ARAP2: variants seen among roughly 807,000 people sequenced by gnomAD.
The protein encoded by ARAP2 is arf-GAP with Rho-GAP domain, ANK repeat and PH domain-containing protein 2.
Under a neutral mutation model 194.5 loss-of-function variants are expected in ARAP2, and 148 were observed. The observed-to-expected ratio is 0.76, with a 90% CI of 0.67 to 0.87. The LOEUF (loss-of-function observed/expected upper bound fraction) is 0.87, where lower values mean the gene tolerates loss of function less well. ARAP2 is among the 40% of genes least tolerant of loss of function. The probability of loss-of-function intolerance (pLI) is 0.00; values close to 1 mark genes in which losing one functional copy is unlikely to be tolerated. For synonymous variants in ARAP2, 695 were observed against 683.5 expected, an observed-to-expected ratio of 1.02 and a Z score of -0.26; for missense variants, 2,128 against 1,989.7, an observed-to-expected ratio of 1.07 and a Z score of -1.32.
chr4:36,124,543 A>G (rs1723418848), intron 22 of ARAP2, among the ~76,000 whole-genome samples: 1 of 151,896 alleles, frequency 6.6e-6, no homozygotes, highest in South Asian at 2.1e-4. Context: ...AGAAATGTCC[A>G]CCATGAGAAA....
At chr4:36,069,930 T>C (rs114298513) in intron 32 of ARAP2, among the ~76,000 whole-genome samples, 276 of 152,188 alleles carry the variant, frequency 1.8e-3, no homozygotes, top group African/African-American at 6.4e-3. Context: ...GTGTAGCACC[T>C]TTCCCCCCTC....
chr4:36,220,268 G>A (rs980941035), intron 2 of ARAP2, among the ~76,000 whole-genome samples: 1 of 151,922 alleles, frequency 6.6e-6, no homozygotes, highest in East Asian at 1.9e-4. Context: ...TCCCCGGCAC[G>A]TTTTGATCAA....
intron 31 of ARAP2, among the ~76,000 whole-genome samples, chr4:36,076,646 C>T (rs1728320560): frequency 6.6e-6 from 1 of 151,878 alleles, no homozygotes; most frequent in South Asian, 2.1e-4. Flanking sequence ...TCCATGCTTC[C>T]CTCTCCACCT....
intron 27 of ARAP2, among the ~76,000 whole-genome samples, chr4:36,100,508 A>G (rs1225834507): frequency 6.6e-6 from 1 of 151,900 alleles, no homozygotes; most frequent in Non-Finnish European, 1.5e-5. Flanking sequence ...TGCCAAGATC[A>G]AGTAATTTTG....
chr4:36,243,641 A>C (rs998362000), intron 1 of ARAP2: 1 of 152,214 alleles, frequency 6.6e-6, no homozygotes, highest in Non-Finnish European at 1.5e-5. Flanking sequence ...ACTTCTCCCA[A>C]GAGAACTGTC....
chr4:36,105,484 CT>C (rs2109454489), intron 27 of ARAP2, among the ~76,000 whole-genome samples: 1 of 152,038 alleles, frequency 6.6e-6, no homozygotes, highest in African/African-American at 2.4e-5. Flanking sequence ...AGGCTTGATG[CT>C]TTTATAACAG....
intron 19 of ARAP2, among the ~76,000 whole-genome samples, chr4:36,133,886 C>T (rs1726034876): frequency 6.6e-6 from 1 of 151,728 alleles, no homozygotes; most frequent in Non-Finnish European, 1.5e-5. Flanking sequence ...CACAAAAGCT[C>T]CATGGACTCT....
At chr4:36,207,187 A>G (rs1664172855) in intron 6 of ARAP2, among the ~76,000 whole-genome samples, 1 of 152,266 alleles carries the variant, frequency 6.6e-6, no homozygotes, top group South Asian at 2.1e-4. Flanking sequence ...CCAGTCTTTC[A>G]TATTTGCATC....
At chr4:36,019,401 A>G (rs1040266310) in intron 5 of ARAP2, 1 of 149,488 alleles carries the variant, frequency 6.7e-6, no homozygotes, top group African/African-American at 2.6e-5. Context: ...CAAACAAAGC[A>G]GGCATAGTTC....
intron 12 of ARAP2, among the ~76,000 whole-genome samples, chr4:36,160,992 C>A (rs956534697): frequency 1.3e-5 from 2 of 152,094 alleles, no homozygotes; most frequent in Non-Finnish European, 2.9e-5. Flanking sequence ...GGTGGTGGAA[C>A]AAGGAGCCAA....
intron 2 of ARAP2, among the ~76,000 whole-genome samples, chr4:36,227,137 G>A (rs375866728): frequency 2.1e-3 from 320 of 152,240 alleles, no homozygotes; most frequent in Non-Finnish European, 3.4e-3. Flanking sequence ...CAGATGTACT[G>A]GTAGGAAATC....
At chr4:36,094,965 C>G (rs1193562442) in intron 27 of ARAP2, among the ~76,000 whole-genome samples, 1 of 152,108 alleles carries the variant, frequency 6.6e-6, no homozygotes, top group African/African-American at 2.4e-5. Flanking sequence ...ATTAAAAGAT[C>G]AAAAATATCT....
intron 28 of ARAP2, among the ~76,000 whole-genome samples, chr4:36,089,843 T>C (rs1280864252): frequency 6.6e-6 from 1 of 152,094 alleles, no homozygotes; most frequent in Non-Finnish European, 1.5e-5. Context: ...TTTTCTGATA[T>C]ATGTTAATTA....
At chr4:36,061,010 T>C (rs1483796028), downstream of ARAP2, among the ~76,000 whole-genome samples, 1 of 152,154 alleles carries the variant, frequency 6.6e-6, no homozygotes, top group Non-Finnish European at 1.5e-5. Flanking sequence ...GCTTTATTAG[T>C]GCATAACATA....
intron 8 of ARAP2, among the ~76,000 whole-genome samples, chr4:36,184,506 C>G (rs1740055546): frequency 6.6e-6 from 1 of 152,018 alleles, no homozygotes; most frequent in East Asian, 1.9e-4. Context: ...TTTATACTGC[C>G]CCAAGTTTAT....
intron 8 of ARAP2, among the ~76,000 whole-genome samples, chr4:36,014,330 GAAAGAAA>G (rs1715332601): frequency 1.7e-5 from 1 of 59,494 alleles, no homozygotes; most frequent in African/African-American, 5.7e-5. Flanking sequence ...AAGAGAGAAA[GAAAGAAA>G]GAAAGAAAGA....
intron 1 of ARAP2, among the ~76,000 whole-genome samples, chr4:36,230,817 T>C (rs1464052999): frequency 6.6e-6 from 1 of 152,198 alleles, no homozygotes; most frequent in African/African-American, 2.4e-5. Context: ...GGACTCTGCA[T>C]ATGCCACACG....
chr4:36,147,147 T>C, intron 19 of ARAP2, 149 bp downstream of exon 19: 2 of 573,432 alleles, frequency 3.5e-6, no homozygotes, highest in Non-Finnish European at 6.1e-6. Context: ...CAAAGAGAGC[T>C]AATATATACT....
chr4:36,225,278 A>G (rs1210979355), intron 2 of ARAP2, among the ~76,000 whole-genome samples: 6 of 152,210 alleles, frequency 3.9e-5, no homozygotes, highest in Non-Finnish European at 8.8e-5. Context: ...CCCAAGGATA[A>G]TACAATTGCA....
Sources: allele counts gnomAD v4.1 joint callset (sites outside exome capture counted in the v4.1 genomes callset), GRCh38; gene constraint gnomAD v4.1.1; transcripts MANE v1.5; gene names NCBI Gene and HGNC (gene_info 2026-07-23, HGNC 2026-07-21).